LDLRAD3: variants seen among roughly 807,000 people sequenced by gnomAD.
LDLRAD3 encodes low density lipoprotein receptor class A domain containing 3, also known as low-density lipoprotein receptor class A domain-containing protein 3.
LDLRAD3 carries 20 observed loss-of-function variants against 29.4 expected under a neutral mutation model. The observed-to-expected ratio is 0.68, with a 90% CI of 0.48 to 0.99. The LOEUF (loss-of-function observed/expected upper bound fraction) is 0.99. LDLRAD3 is among the 50% of genes least tolerant of loss of function. The probability of loss-of-function intolerance (pLI) is 0.00; values close to 1 mark genes in which losing one functional copy is unlikely to be tolerated. For missense variants in LDLRAD3, 420 were observed against 454.3 expected (o/e 0.92, Z 0.69); for synonymous variants, 157 against 192.7 (o/e 0.81, Z 1.53).
intron 4 of LDLRAD3, among the ~76,000 whole-genome samples, chr11:36,208,223 A>G (rs1855236968): frequency 6.6e-6 from 1 of 152,208 alleles, no homozygotes; most frequent in African/African-American, 2.4e-5. Flanking sequence ...GCCAAAGGTG[A>G]AACAACCTGA....
intron 2 of LDLRAD3, among the ~76,000 whole-genome samples, chr11:36,063,696 C>G (rs187495765): frequency 2.8e-4 from 43 of 152,270 alleles, no homozygotes; most frequent in Admixed American, 2.6e-3. Flanking sequence ...TCTTGGCACT[C>G]TTGTCAAAAA....
At chr11:36,041,283 A>G (rs185516865) in intron 2 of LDLRAD3, among the ~76,000 whole-genome samples, 2 of 152,320 alleles carry the variant, frequency 1.3e-5, no homozygotes, top group African/African-American at 4.8e-5. Context: ...CGGAAGCCTT[A>G]TTAGTAACCG....
chr11:36,088,847 A>G (rs1457913960), intron 3 of LDLRAD3, among the ~76,000 whole-genome samples: 5 of 152,134 alleles, frequency 3.3e-5, no homozygotes, highest in African/African-American at 1.2e-4. Context: ...TTCTCAGACC[A>G]TACAGGACTT....
intron 4 of LDLRAD3, among the ~76,000 whole-genome samples, chr11:36,179,387 T>C (rs1367615659): frequency 1.3e-5 from 2 of 152,100 alleles, no homozygotes; most frequent in Non-Finnish European, 2.9e-5. Flanking sequence ...GGTAGGAGAA[T>C]CACTTGAACC....
At chr11:36,166,403 T>C (rs1854517211) in intron 4 of LDLRAD3, among the ~76,000 whole-genome samples, 1 of 152,070 alleles carries the variant, frequency 6.6e-6, no homozygotes, top group South Asian at 2.1e-4. Flanking sequence ...CTCTGGAGGG[T>C]GGAAATGAAA....
intron 1 of LDLRAD3, among the ~76,000 whole-genome samples, chr11:36,017,587 G>A (rs981740479): frequency 7.5e-5 from 11 of 146,080 alleles, no homozygotes; most frequent in Admixed American, 1.4e-4. Context: ...GGAGTGCATT[G>A]GCGTGATCTT....
At chr11:36,099,831 A>G (rs570772902) in intron 4 of LDLRAD3, among the ~76,000 whole-genome samples, 1 of 152,308 alleles carries the variant, frequency 6.6e-6, no homozygotes, top group East Asian at 1.9e-4. Flanking sequence ...AAAAGACAAA[A>G]TGTGTATTGG....
intron 1 of LDLRAD3, among the ~76,000 whole-genome samples, chr11:35,981,854 T>C (rs935746765): frequency 1.3e-5 from 2 of 152,214 alleles, no homozygotes; most frequent in African/African-American, 4.8e-5. Context: ...GGCATGCTTT[T>C]GTTGCATGTT....
intron 2 of LDLRAD3, among the ~76,000 whole-genome samples, chr11:36,052,444 T>C (rs1289848180): frequency 6.6e-6 from 1 of 152,168 alleles, no homozygotes; most frequent in Non-Finnish European, 1.5e-5. Flanking sequence ...TTTCAACAAA[T>C]ATTGCCAATA....
intron 4 of LDLRAD3, among the ~76,000 whole-genome samples, chr11:36,142,672 G>T (rs1317414818): frequency 1.3e-5 from 2 of 152,148 alleles, no homozygotes; most frequent in East Asian, 1.9e-4. Flanking sequence ...TGCAGCCGGT[G>T]AAGTGAGACT....
chr11:36,063,032 A>T (rs1192457538), intron 2 of LDLRAD3, among the ~76,000 whole-genome samples: 1 of 152,182 alleles, frequency 6.6e-6, no homozygotes, highest in African/African-American at 2.4e-5. Flanking sequence ...CATTGTCTGG[A>T]TGTGGTGATC....
chr11:36,224,499 T>C (rs868494676), intron 4 of LDLRAD3, among the ~76,000 whole-genome samples: 1 of 152,226 alleles, frequency 6.6e-6, no homozygotes, highest in Non-Finnish European at 1.5e-5. Context: ...AAAACTCCAG[T>C]AGAATCCTTG....
At chr11:36,053,002 G>GT (rs1565187895) in intron 2 of LDLRAD3, among the ~76,000 whole-genome samples, 1 of 150,842 alleles carries the variant, frequency 6.6e-6, no homozygotes, top group South Asian at 2.1e-4. Flanking sequence ...GCAGTGAGGA[G>GT]TAGGACCCCT....
At chr11:35,963,523 C>T (rs577223296) in intron 1 of LDLRAD3, among the ~76,000 whole-genome samples, 19 of 152,044 alleles carry the variant, frequency 1.2e-4, no homozygotes, top group Non-Finnish European at 1.9e-4. Flanking sequence ...TGAGTCTCCT[C>T]GGCTTTGCCA....
intron 2 of LDLRAD3, among the ~76,000 whole-genome samples, chr11:36,043,269 G>A (rs1288373780): frequency 6.6e-6 from 1 of 152,192 alleles, no homozygotes; most frequent in Non-Finnish European, 1.5e-5. Flanking sequence ...CTGAGATTGT[G>A]CCACTGCACT....
Position 36,117,045 on chromosome 11 carries a change from TG to T in LDLRAD3, c.454+18586del, listed in dbSNP as rs1377718039. On this transcript the variant is annotated intron_variant, in intron 4 of 5. Transcript: ENST00000315571. ...TTATAGAGGTGGGGTTTCACCATGT[TG>T]GCCAGGCTGGTCTCGAACTCCTGAC... 2.0e-5 allele frequency among the ~76,000 whole-genome samples: 3 copies of T among 152,092 alleles called. No homozygotes were observed. The East Asian group carries it at 5.8e-4, about 29-fold the overall frequency.
At chr11:36,168,360 G>A (rs546345416) in intron 4 of LDLRAD3, among the ~76,000 whole-genome samples, 1 of 152,102 alleles carries the variant, frequency 6.6e-6, no homozygotes, top group African/African-American at 2.4e-5. Context: ...AACAGGAGGA[G>A]AATCAATACG....
intron 4 of LDLRAD3, among the ~76,000 whole-genome samples, chr11:36,120,018 G>T (rs979882285): frequency 1.3e-5 from 2 of 152,198 alleles, no homozygotes; most frequent in African/African-American, 4.8e-5. Flanking sequence ...TATGGTGGGA[G>T]TTACGCATCA....
At chr11:36,134,137 A>T (rs964504384) in intron 4 of LDLRAD3, among the ~76,000 whole-genome samples, 1 of 152,138 alleles carries the variant, frequency 6.6e-6, no homozygotes, top group African/African-American at 2.4e-5. Flanking sequence ...GTTTGTCTGC[A>T]AGTTACCTCC....
Sources: gnomAD v4.1 joint callset for allele counts (sites outside exome capture counted in the v4.1 genomes callset) on GRCh38, gnomAD v4.1.1 for gene constraint, MANE v1.5 for transcripts, NCBI Gene and HGNC (gene_info 2026-07-23, HGNC 2026-07-21) for gene names.